The following EEFSEC variants were observed in gnomAD, a reference collection of about 807,000 sequenced individuals.
The protein encoded by EEFSEC is eukaryotic elongation factor, selenocysteine-tRNA specific, also known as selenocysteine-specific elongation factor.
In EEFSEC, 43 loss-of-function variants were observed where a neutral mutation model predicts 42.1. The ratio of observed to expected loss-of-function variants is 1.02; its 90% CI spans 0.80 to 1.32. The LOEUF (loss-of-function observed/expected upper bound fraction) is 1.32. EEFSEC is among the 40% of genes most tolerant of loss of function. The pLI is 0.00. For synonymous variants in EEFSEC, 354 were observed against 339.1 expected (o/e 1.04, Z -0.48); for missense variants, 745 against 803.6 (o/e 0.93, Z 0.88).
intron 6 of EEFSEC, among the ~76,000 whole-genome samples, chr3:128,395,137 C>T (rs761169865): frequency 4.6e-5 from 7 of 152,216 alleles, no homozygotes; most frequent in Non-Finnish European, 8.8e-5. Context: ...TCATTAGACA[C>T]GTCCCCAGCA....
intron 4 of EEFSEC, among the ~76,000 whole-genome samples, chr3:128,276,918 G>C (rs150855351): frequency 4.1e-4 from 62 of 152,372 alleles, no homozygotes; most frequent in African/African-American, 1.4e-3. Context: ...GGGAGACGCT[G>C]TGGGACAGGC....
chr3:128,361,846 G>A (rs73861052), intron 6 of EEFSEC, among the ~76,000 whole-genome samples: 10,691 of 152,288 alleles, frequency 0.07, 709 homozygotes, highest in African/African-American at 0.18. Context: ...TTCTGCTGGT[G>A]GTGAGAGAGT....
chr3:128,301,333 T>G (rs925531576), intron 4 of EEFSEC, among the ~76,000 whole-genome samples: 18 of 152,168 alleles, frequency 1.2e-4, no homozygotes, highest in Non-Finnish European at 2.1e-4. Flanking sequence ...CCTACCCATA[T>G]GTAAAAAGGC....
Position 128,341,878 on chromosome 3 carries a change from C to T in EEFSEC, c.1432C>T (p.Leu478Phe). Reference sequence around the variant, plus strand: ...GTACAAGCTGAAGCACAAGCATGGCCTTGTGGAGCGGGTGAGCATGCCCTT... The same window carrying T: ...GTACAAGCTGAAGCACAAGCATGGCTTTGTGGAGCGGGTGAGCATGCCCTT... The part of the protein sequence containing the change: ...KVYKLKHKHG[L>F]VERAMDDYSV... Residue 478 changes from leucine (L) to phenylalanine (F), a missense_variant, in exon 5 of 7, where the codon CTT becomes TTT. Coordinates refer to ENST00000254730, the MANE Select transcript of EEFSEC (RefSeq NM_021937.5). 1 of 1,612,874 alleles carries T rather than the reference C, an allele frequency of 6.2e-7. No individual in the cohort carries two copies. Among genetic ancestry groups the T allele is most frequent in the South Asian group, 1.1e-5 (1 of 91,004 alleles).
At position 128,341,879 on chromosome 3, in the gene EEFSEC, T is replaced by C. The variant is rs1273108034; in HGVS notation, c.1433T>C (p.Leu478Pro). ...TACAAGCTGAAGCACAAGCATGGCC[T>C]TGTGGAGCGGGTGAGCATGCCCTTG... is the stretch of plus-strand genomic sequence containing the variant. The part of the protein sequence containing the change: ...KVYKLKHKHG[L>P]VERAMDDYSV... The change falls in exon 5 of 7, where the codon CTT (leucine) becomes CCT (proline). Residue 478 changes from leucine to proline, a missense_variant. Leu to Pro is a moderately conservative substitution (Grantham distance 98). Coordinates refer to ENST00000254730, the MANE Select transcript of EEFSEC (RefSeq NM_021937.5). 1 of 1,612,854 alleles carries C rather than the reference T, an allele frequency of 6.2e-7. No individual in the cohort carries two copies. Among genetic ancestry groups the C allele is most frequent in the South Asian group, 1.1e-5 (1 of 91,020 alleles).
chr3:128,348,277 CG>C (rs2067339790), intron 5 of EEFSEC, among the ~76,000 whole-genome samples: 2 of 77,972 alleles, frequency 2.6e-5, no homozygotes, highest in Admixed American at 1.3e-4. Flanking sequence ...TGTGCGTGTG[CG>C]TGTGTGTGTG....
At chr3:128,419,546 T>C in the EEFSEC span, among the ~76,000 whole-genome samples, 2 of 152,134 alleles carry the variant, frequency 1.3e-5, no homozygotes, top group African/African-American at 4.8e-5. Context: ...CACCAGGAGC[T>C]GCCAGCAAGG....
intron 1 of EEFSEC, among the ~76,000 whole-genome samples, chr3:128,219,642 G>A (rs1467420886): frequency 6.6e-6 from 1 of 152,088 alleles, no homozygotes; most frequent in Non-Finnish European, 1.5e-5. Flanking sequence ...CTCTGTACAA[G>A]CTATGCAGAA....
chr3:128,328,945 A>G (rs905538876), intron 4 of EEFSEC, among the ~76,000 whole-genome samples: 9 of 152,176 alleles, frequency 5.9e-5, no homozygotes, highest in African/African-American at 2.2e-4. Context: ...TGGGTTTGGA[A>G]TAGGATACCC....
intron 4 of EEFSEC, among the ~76,000 whole-genome samples, chr3:128,298,018 G>T (rs1211262093): frequency 6.6e-6 from 1 of 152,202 alleles, no homozygotes; most frequent in African/African-American, 2.4e-5. Flanking sequence ...GGCAGGGAGT[G>T]GGAATCCTCC....
intron 4 of EEFSEC, among the ~76,000 whole-genome samples, chr3:128,331,607 G>T (rs527369691): frequency 6.6e-6 from 1 of 151,830 alleles, no homozygotes; most frequent in Non-Finnish European, 1.5e-5. Context: ...CTGAGCACCT[G>T]GCTCACATAG....
chr3:128,378,225 C>G (rs7613373), intron 6 of EEFSEC, among the ~76,000 whole-genome samples: 2,805 of 152,298 alleles, frequency 0.018, 91 homozygotes, highest in African/African-American at 0.063. Flanking sequence ...ACCTGCATCT[C>G]TCATCCAGAT....
chr3:128,359,091 T>C (rs149465389), intron 6 of EEFSEC, among the ~76,000 whole-genome samples: 213 of 152,210 alleles, frequency 1.4e-3, no homozygotes, highest in African/African-American at 5.0e-3. Flanking sequence ...CGTAGAAAGA[T>C]AAAGCAGGGA....
intron 6 of EEFSEC, among the ~76,000 whole-genome samples, chr3:128,404,852 C>T (rs557500483): frequency 4.6e-5 from 7 of 152,128 alleles, no homozygotes; most frequent in African/African-American, 1.7e-4. Flanking sequence ...TTCTGGAGCC[C>T]CGTTCATATC....
At chr3:128,318,941 CAG>C (rs1391891101) in intron 4 of EEFSEC, among the ~76,000 whole-genome samples, 1 of 152,218 alleles carries the variant, frequency 6.6e-6, no homozygotes, top group African/African-American at 2.4e-5. Flanking sequence ...CATGAAGACT[CAG>C]AGGCCCAGAG....
intron 5 of EEFSEC, among the ~76,000 whole-genome samples, chr3:128,343,538 G>A (rs920404588): frequency 6.6e-6 from 1 of 152,222 alleles, no homozygotes; most frequent in Non-Finnish European, 1.5e-5. Flanking sequence ...AGGTGATAAA[G>A]TGTGTGTCAC....
At chr3:128,168,575 G>A (rs1032611585) in intron 1 of EEFSEC, among the ~76,000 whole-genome samples, 34 of 152,206 alleles carry the variant, frequency 2.2e-4, no homozygotes, top group African/African-American at 7.7e-4. Flanking sequence ...CTGTAGACCA[G>A]GTCACTCACC....
At chr3:128,246,645 C>T (rs1378928719) in intron 1 of EEFSEC, among the ~76,000 whole-genome samples, 191 bp from the exon 2 acceptor site, 1 of 152,250 alleles carries the variant, frequency 6.6e-6, no homozygotes, top group African/African-American at 2.4e-5. Flanking sequence ...TCAGTTTCCT[C>T]ATCTGCCATG....
At chr3:128,385,541 C>G (rs1043120910) in intron 6 of EEFSEC, among the ~76,000 whole-genome samples, 4 of 152,362 alleles carry the variant, frequency 2.6e-5, no homozygotes, top group African/African-American at 9.6e-5. Context: ...GCAGGGTGTC[C>G]TCCCACACAC....
Sources: gnomAD v4.1 joint callset for allele counts (sites outside exome capture counted in the v4.1 genomes callset) on GRCh38, gnomAD v4.1.1 for gene constraint, MANE v1.5 for transcripts, NCBI Gene and HGNC (gene_info 2026-07-23, HGNC 2026-07-21) for gene names.